The following BPTF variants were observed in gnomAD, a reference collection of about 807,000 sequenced individuals.
BPTF encodes the protein nucleosome-remodeling factor subunit BPTF.
In BPTF, 18 loss-of-function variants were observed where a neutral mutation model predicts 292.5. The observed-to-expected ratio is 0.06, with a 90% CI of 0.04 to 0.09. The LOEUF (loss-of-function observed/expected upper bound fraction) is 0.09. BPTF is among the 10% of genes least tolerant of loss of function. The pLI, the probability that BPTF is intolerant of heterozygous loss-of-function variation, is 1.00. For synonymous variants in BPTF, 1,225 were observed against 1,251.9 expected (o/e 0.98, Z 0.45); for missense variants, 2,726 against 3,498.7 (o/e 0.78, Z 5.57).
chr17:67,884,041 C>A (rs1224400262), intron 4 of BPTF, among the ~76,000 whole-genome samples: 1 of 152,010 alleles, frequency 6.6e-6, no homozygotes, highest in Non-Finnish European at 1.5e-5. Context: ...TATGTGTGAA[C>A]ATAGTGATTA....
chr17:67,915,544 G>A (rs927380316), intron 11 of BPTF, among the ~76,000 whole-genome samples: 20 of 151,930 alleles, frequency 1.3e-4, no homozygotes, highest in African/African-American at 2.4e-5. Flanking sequence ...TTTCTCTCAT[G>A]CCACCTTCAT....
rs1466885260 is a variant in BPTF, at chr17:67,922,900, A to T, written c.5618A>T (p.Glu1873Val). The change falls in exon 14 of 28, where the codon GAA (glutamate) becomes GTA (valine). Residue 1873 changes from glutamate (E) to valine (V), a missense_variant. Glu to Val is a moderately radical substitution (Grantham distance 121). This residue lies in a region of BPTF where 198 missense variants were observed against 277.1 expected (regional missense o/e 0.71). Transcript: ENST00000306378. ...RSSALRPKRPETPKQTGPVII... is the reference protein window; with the variant it reads ...RSSALRPKRPVTPKQTGPVII... ...AGTGCACTGCGGCCAAAGAGACCAG[A>T]AACGCCCAAGCAAACTGGCCCTGTT... is the stretch of plus-strand genomic sequence containing the variant. 1.2e-6 allele frequency: 2 copies of T among 1,614,172 alleles called. No homozygotes were observed. Among genetic ancestry groups the T allele is most frequent in the Admixed American group, 1.7e-5 (1 of 60,006 alleles).
chr17:67,908,252 A>G (rs1303095031), intron 9 of BPTF, among the ~76,000 whole-genome samples: 1 of 151,848 alleles, frequency 6.6e-6, no homozygotes, highest in Non-Finnish European at 1.5e-5. Context: ...TCTGCCTCCC[A>G]GGTTGAAGCA....
chr17:67,896,606 A>G (rs1285969867), intron 7 of BPTF, among the ~76,000 whole-genome samples: 1 of 152,270 alleles, frequency 6.6e-6, no homozygotes, highest in Non-Finnish European at 1.5e-5. Context: ...CATGTGTGAT[A>G]ACACAATGTT....
chr17:67,906,478 T>C (rs1267524261), intron 9 of BPTF, among the ~76,000 whole-genome samples: 2 of 152,204 alleles, frequency 1.3e-5, no homozygotes, highest in African/African-American at 4.8e-5. Context: ...TAAAAGATCA[T>C]GTGTTTTTAA....
intron 27 of BPTF, among the ~76,000 whole-genome samples, chr17:67,977,226 T>G (rs2069600817): frequency 6.6e-6 from 1 of 152,074 alleles, no homozygotes; most frequent in Non-Finnish European, 1.5e-5. Context: ...AAAAAGTGTG[T>G]GCTATTGGCC....
In BPTF at chr17:67,854,234, C is replaced by G; in HGVS notation, c.908C>G (p.Thr303Ser). 6.2e-7 allele frequency: 1 copy of G among 1,614,204 alleles called. No homozygotes were observed. Among genetic ancestry groups the G allele is most frequent in the South Asian group, 1.1e-5 (1 of 91,084 alleles). Residue 303 changes from threonine to serine, a missense_variant, in exon 2 of 28, where the codon ACT becomes AGT. Coordinates refer to ENST00000306378, the MANE Select transcript of BPTF (RefSeq NM_182641.4). The surrounding 1 kb of genome is among the most constrained non-coding windows in gnomAD (Gnocchi z 5.6). ...AVLREEDTSN[T>S]TFGPADLKDS... ...CTGCGTGAAGAAGACACTTCCAATA[C>G]TACCTTTGGACCTGCTGATCTGAAA... is the stretch of plus-strand genomic sequence containing the variant.
intron 27 of BPTF, 79 bp downstream of exon 27, chr17:67,976,037 G>T (rs2069365339): frequency 1.7e-6 from 2 of 1,148,728 alleles, no homozygotes; most frequent in East Asian, 2.6e-5. Context: ...GATTCAACCA[G>T]TGCAGTTTAT....
intron 2 of BPTF, among the ~76,000 whole-genome samples, chr17:67,857,201 G>T (rs1228906609): frequency 1.5e-5 from 2 of 137,564 alleles, no homozygotes; most frequent in African/African-American, 5.3e-5. Flanking sequence ...TGTCGCCCAG[G>T]CTGGAGTGCG....
At chr17:67,970,384 G>A (rs949152077) in intron 26 of BPTF, among the ~76,000 whole-genome samples, 4 of 152,122 alleles carry the variant, frequency 2.6e-5, no homozygotes, top group Non-Finnish European at 5.9e-5. Flanking sequence ...GGCAACAAGC[G>A]AGACCTTGTC....
intron 1 of BPTF, among the ~76,000 whole-genome samples, chr17:67,840,528 T>G (rs1053388058): frequency 6.7e-6 from 1 of 149,586 alleles, no homozygotes; most frequent in African/African-American, 2.5e-5. Flanking sequence ...TTCCCCCTTT[T>G]CCTCCTCTCC....
chr17:67,909,956 A>G (rs1189799690), intron 10 of BPTF, among the ~76,000 whole-genome samples, 195 bp downstream of exon 10: 1 of 152,226 alleles, frequency 6.6e-6, no homozygotes, highest in Non-Finnish European at 1.5e-5. Flanking sequence ...TTCAACCATT[A>G]TTACATCAAT....
intron 5 of BPTF, 62 bp from the exon 6 acceptor site, chr17:67,893,308 T>A: frequency 1.0e-6 from 1 of 983,498 alleles, no homozygotes; most frequent in Non-Finnish European, 1.6e-6. Flanking sequence ...AGACAGTTGA[T>A]TAGATGAAAT....
rs147482332 is a variant in BPTF at position 67,922,535 on chromosome 17, G to A, written c.5558-305G>A. On this transcript the variant is annotated intron_variant, in intron 13 of 27. Coordinates refer to ENST00000306378, the MANE Select transcript of BPTF (RefSeq NM_182641.4). ...GTGGAGGCTTGGAATAGTGCTCCAG[G>A]TGGAAGAAACAGGTTGTATAAAGGC... 1.8e-4 allele frequency among the ~76,000 whole-genome samples: 27 copies of A among 152,256 alleles called. No individual in the cohort carries two copies. The East Asian group carries it at 1.9e-3, about 11-fold the overall frequency.
intron 22 of BPTF, 26 bp downstream of exon 22, chr17:67,947,834 T>A: frequency 6.5e-7 from 1 of 1,537,804 alleles, no homozygotes. Context: ...GGTCTTGTTG[T>A]CTGTCCGTCT....
intron 7 of BPTF, among the ~76,000 whole-genome samples, chr17:67,902,094 G>C (rs2061883079): frequency 6.6e-6 from 1 of 152,202 alleles, no homozygotes. Context: ...TAGCATCAGA[G>C]ATTAGCCATA....
Position 67,966,804 on chromosome 17 carries a change from ATTAAAG to A in BPTF, c.8539+151_8539+156del, listed in dbSNP as rs1417438307. The A allele has an allele frequency of 5.5e-6, 4 of 730,172 alleles. No homozygotes were observed. In the Admixed American group the frequency reaches 1.5e-4, roughly 27 times the overall value. The allele number at this position is 730,172 out of a possible 1,614,324, so 45.2% of individuals were successfully genotyped here. A position where few individuals can be genotyped will look rare whatever the true frequency, so the allele number is the denominator to read the frequency against. ...TTTGGAGGGTAAATTGTTAGTATCT[ATTAAAG>A]TTTAATTGTGGCCGGGTGCGGTGGC... On this transcript the variant is annotated intron_variant, in intron 26 of 27. Transcript: ENST00000306378.
At chr17:67,858,527 C>G (rs1046517637) in intron 2 of BPTF, among the ~76,000 whole-genome samples, 2 of 146,476 alleles carry the variant, frequency 1.4e-5, no homozygotes, top group Non-Finnish European at 3.0e-5. Context: ...TGTACTCCAG[C>G]CTGGGTGATG....
At chr17:67,875,055 A>G (rs972608423) in intron 4 of BPTF, 35 bp downstream of exon 4, 3 of 1,542,842 alleles carry the variant, frequency 1.9e-6, no homozygotes, top group Middle Eastern at 1.7e-4. Flanking sequence ...GAAATATTTC[A>G]TTAGTGTTAT....
Sources: gnomAD v4.1 joint callset for allele counts (sites outside exome capture counted in the v4.1 genomes callset) on GRCh38, gnomAD v4.1.1 for gene constraint, gnomAD v4.1.1 regional missense constraint, Gnocchi (gnomAD v3.1) non-coding constraint, MANE v1.5 for transcripts, NCBI Gene and HGNC (gene_info 2026-07-23, HGNC 2026-07-21) for gene names.